The following SCLT1 variants were observed in gnomAD, a reference collection of about 807,000 sequenced individuals.
The protein encoded by SCLT1 is sodium channel and clathrin linker 1.
Under a neutral mutation model 112.8 loss-of-function variants are expected in SCLT1, and 78 were observed. The observed-to-expected ratio is 0.69, with a 90% confidence interval of 0.58 to 0.83. The LOEUF is 0.83. SCLT1 is among the 40% of genes least tolerant of loss of function. The pLI is 0.00. For synonymous variants in SCLT1, 257 were observed against 254.7 expected (o/e 1.01, Z -0.09); for missense variants, 747 against 770.4 (o/e 0.97, Z 0.36).
At chr4:128,924,656 A>T (rs1021577478) in intron 18 of SCLT1, among the ~76,000 whole-genome samples, 1 of 152,128 alleles carries the variant, frequency 6.6e-6, no homozygotes, top group Non-Finnish European at 1.5e-5. Flanking sequence ...TGCTTATCAT[A>T]AGATTTTCTT....
At chr4:129,045,187 C>G (rs73847393) in intron 2 of SCLT1, among the ~76,000 whole-genome samples, 2,141 of 152,170 alleles carry the variant, frequency 0.014, 52 homozygotes, top group African/African-American at 0.046. Flanking sequence ...ACAATGCTTT[C>G]TTAACGTCAC....
chr4:128,886,103 A>T (rs1732873711), intron 20 of SCLT1, among the ~76,000 whole-genome samples: 1 of 152,122 alleles, frequency 6.6e-6, no homozygotes, highest in African/African-American at 2.4e-5. Flanking sequence ...ATATTTATTA[A>T]TTTTTTTCTT....
At chr4:129,066,794 A>G (rs1750524911) in intron 2 of SCLT1, among the ~76,000 whole-genome samples, 1 of 152,066 alleles carries the variant, frequency 6.6e-6, no homozygotes, top group Non-Finnish European at 1.5e-5. Flanking sequence ...ATCATCACTT[A>G]TTAGTTTAAA....
chr4:129,045,510 T>C (rs961465602), intron 2 of SCLT1, among the ~76,000 whole-genome samples: 10 of 152,112 alleles, frequency 6.6e-5, no homozygotes, highest in African/African-American at 2.4e-4. Flanking sequence ...GCTAACAAAA[T>C]GTCTTTTAAC....
intron 19 of SCLT1, 84 bp downstream of exon 19, chr4:128,890,975 A>C (rs956127163): frequency 1.2e-6 from 1 of 868,748 alleles, no homozygotes. Flanking sequence ...TAGAGAAATA[A>C]TTTGGATTTG....
chr4:129,071,566 A>G (rs1038916301), intron 2 of SCLT1, among the ~76,000 whole-genome samples: 1 of 151,956 alleles, frequency 6.6e-6, no homozygotes, highest in Non-Finnish European at 1.5e-5. Flanking sequence ...CTGTTGCTTT[A>G]AAGTTTTTTT....
intron 5 of SCLT1, among the ~76,000 whole-genome samples, chr4:129,017,794 T>C (rs537259522): frequency 6.6e-6 from 1 of 152,356 alleles, no homozygotes; most frequent in East Asian, 1.9e-4. Flanking sequence ...TTATCTGTAT[T>C]ATTAATAACA....
At chr4:128,888,211 G>GC (rs1733033273) in intron 20 of SCLT1, among the ~76,000 whole-genome samples, 1 of 144,098 alleles carries the variant, frequency 6.9e-6, no homozygotes, top group Non-Finnish European at 1.5e-5. Context: ...TGTCTTTTCT[G>GC]TTTTTTTTTT....
intron 11 of SCLT1, among the ~76,000 whole-genome samples, chr4:128,964,135 C>T (rs1198816120): frequency 6.6e-6 from 1 of 152,112 alleles, no homozygotes; most frequent in Non-Finnish European, 1.5e-5. Flanking sequence ...TCTGATATAC[C>T]AGTGTCCCAT....
downstream of SCLT1, among the ~76,000 whole-genome samples, chr4:128,881,766 T>C (rs1192119259): frequency 2.0e-5 from 3 of 152,128 alleles, no homozygotes; most frequent in Non-Finnish European, 4.4e-5. Context: ...ATGAGAAGTG[T>C]TAAAAACTCC....
chr4:128,944,803 G>A (rs542618209), intron 16 of SCLT1: 1 of 152,290 alleles, frequency 6.6e-6, no homozygotes, highest in South Asian at 2.1e-4. Flanking sequence ...GAACGCGTAA[G>A]AACTGATACT....
intron 2 of SCLT1, among the ~76,000 whole-genome samples, chr4:129,070,303 A>G (rs1195863933): frequency 6.6e-6 from 1 of 151,918 alleles, no homozygotes; most frequent in Non-Finnish European, 1.5e-5. Flanking sequence ...TTCTTTCTCT[A>G]TCTTGGGGAA....
rs376616502 is a variant in SCLT1 at position 128,960,812 on chromosome 4, C to T, written c.870-1035G>A. Among the ~76,000 whole-genome samples the T allele has an allele frequency of 1.7e-3, 249 of 145,752 alleles. 2 individuals carry two copies. Among genetic ancestry groups the T allele is most frequent in the East Asian group, 0.014 (69 of 4,816 alleles). On this transcript the variant is annotated intron_variant, in intron 11 of 20. Transcript: ENST00000281142. ...GCGGGCGCCTGTAGTCCCAGCTACT[C>T]GGGAGGCTGAGGCAGGAGAATGGCG...
intron 18 of SCLT1, among the ~76,000 whole-genome samples, chr4:128,895,353 G>C (rs1278759994): frequency 6.6e-6 from 1 of 152,154 alleles, no homozygotes; most frequent in Non-Finnish European, 1.5e-5. Flanking sequence ...AATGTCATAA[G>C]ATCCTCCAAA....
At chr4:128,947,553 C>A (rs560578232) in intron 15 of SCLT1, among the ~76,000 whole-genome samples, 4 of 152,242 alleles carry the variant, frequency 2.6e-5, no homozygotes, top group African/African-American at 9.6e-5. Flanking sequence ...CTGACTCTAC[C>A]ATTTACCACT....
At chr4:128,877,551 C>A (rs2125914646) in intron 3 of SCLT1, among the ~76,000 whole-genome samples, 1 of 152,164 alleles carries the variant, frequency 6.6e-6, no homozygotes, top group African/African-American at 2.4e-5. Context: ...CGTGGTGGCA[C>A]ACGCCTGTAA....
chr4:129,021,214 C>T (rs899894279), intron 5 of SCLT1, among the ~76,000 whole-genome samples: 4 of 152,194 alleles, frequency 2.6e-5, no homozygotes, highest in African/African-American at 9.7e-5. Flanking sequence ...GCTTTTCCCA[C>T]GGTTTCTGCA....
rs181949959 is a variant in SCLT1, at chr4:129,084,263, T to A, written c.35-1890A>T. ...AAACAACTGTCATTATTCATAGTTA[T>A]GAGTGCATATGTGATTAATCCAAAA... On this transcript the variant is annotated intron_variant, in intron 1 of 20. Coordinates refer to ENST00000281142, the MANE Select transcript of SCLT1 (RefSeq NM_144643.4). Among the ~76,000 whole-genome samples, 771 of 152,314 alleles carry A rather than the reference T, an allele frequency of 5.1e-3. 10 individuals carry two copies. The highest frequency in any genetic ancestry group is 0.017 in the African/African-American group (704 of 41,578).
intron 11 of SCLT1, among the ~76,000 whole-genome samples, chr4:128,964,686 C>T (rs1740024664): frequency 6.6e-6 from 1 of 152,102 alleles, no homozygotes; most frequent in Non-Finnish European, 1.5e-5. Context: ...TCTACTGTAA[C>T]TGTATTATTT....
Sources: gnomAD v4.1 joint callset for allele counts (sites outside exome capture counted in the v4.1 genomes callset) on GRCh38, gnomAD v4.1.1 for gene constraint, MANE v1.5 for transcripts, NCBI Gene and HGNC (gene_info 2026-07-23, HGNC 2026-07-21) for gene names.